UIMC1: variants seen among roughly 807,000 people sequenced by gnomAD.
The protein encoded by UIMC1 is ubiquitin interaction motif containing 1.
In UIMC1, 42 loss-of-function variants were observed where a neutral mutation model predicts 84.9. The observed-to-expected ratio is 0.49, with a 90% CI of 0.39 to 0.64. UIMC1 has a LOEUF of 0.64. Among genes scored for constraint, UIMC1 ranks in the 30% least tolerant of loss-of-function variants. The pLI, the probability that UIMC1 is intolerant of heterozygous loss-of-function variation, is 0.00. For synonymous variants in UIMC1, 281 were observed against 293.0 expected, an observed-to-expected ratio of 0.96 and a Z score of 0.42; for missense variants, 825 against 847.6, an observed-to-expected ratio of 0.97 and a Z score of 0.33.
chr5:176,908,183 G>A (rs758618506), intron 12 of UIMC1, among the ~76,000 whole-genome samples: 1 of 151,848 alleles, frequency 6.6e-6, no homozygotes, highest in Non-Finnish European at 1.5e-5. Context: ...GAAGGGGGGA[G>A]AGGGAGAATA....
At chr5:177,002,573 A>T (rs1774683597) in intron 1 of UIMC1, among the ~76,000 whole-genome samples, 1 of 152,190 alleles carries the variant, frequency 6.6e-6, no homozygotes, top group Non-Finnish European at 1.5e-5. Context: ...AGGCCGAGGC[A>T]GGTGGATCAC....
At chr5:176,983,502 T>A (rs892002313) in intron 1 of UIMC1, among the ~76,000 whole-genome samples, 1 of 152,294 alleles carries the variant, frequency 6.6e-6, no homozygotes, top group African/African-American at 2.4e-5. Flanking sequence ...CCCGAGGTGC[T>A]GGGATTGCAG....
rs1767324718 is a variant in UIMC1, at chr5:176,960,950, T to C, written c.1201-2796A>G. 8.6e-5 allele frequency among the ~76,000 whole-genome samples: 4 copies of C among 46,364 alleles called. 1 individual carries two copies. The South Asian group carries it at 2.9e-3, about 34-fold the overall frequency. 30.4% of individuals were successfully genotyped at this position (46,364 alleles called of 152,430 possible). A position where few individuals can be genotyped will look rare whatever the true frequency, so the allele number is the denominator to read the frequency against. ...ACTCAGTGCTCAATGGTGCCCAGGC[T>C]GGAGTGCAGTGGCGTGATCTCGGCT... is the stretch of plus-strand genomic sequence containing the variant. On this transcript the variant is annotated intron_variant, in intron 6 of 14. Coordinates refer to ENST00000511320, the MANE Select transcript of UIMC1 (RefSeq NM_001199298.2).
At chr5:176,951,613 C>T (rs918390913) in intron 8 of UIMC1, 36 bp from the exon 9 acceptor site, 6 of 1,476,120 alleles carry the variant, frequency 4.1e-6, no homozygotes, top group Non-Finnish European at 5.5e-6. Flanking sequence ...CATTAATTTT[C>T]ATTTTGTGTT....
intron 3 of UIMC1, among the ~76,000 whole-genome samples, chr5:176,974,732 G>C (rs373696216): frequency 6.6e-6 from 1 of 151,924 alleles, no homozygotes; most frequent in Admixed American, 6.6e-5. Context: ...GAATCGTTAT[G>C]AACCCGGGAG....
At position 176,979,382 on chromosome 5, in the gene UIMC1, G is replaced by T. The variant is rs1280999662; in HGVS notation, c.147+3087C>A. On this transcript the variant is annotated intron_variant, in intron 2 of 14. Transcript: ENST00000511320. ...GCCTGTAATCCCAACACTTTGGGGT[G>T]TATCACCTGAGGTCAGGAGTTTGAG... is the stretch of plus-strand genomic sequence containing the variant. 1.3e-5 allele frequency among the ~76,000 whole-genome samples: 2 copies of T among 152,286 alleles called. 1 individual carries two copies. The highest frequency in any genetic ancestry group is 4.1e-4 in the South Asian group (2 of 4,826).
At chr5:176,906,414 C>A (rs939034022) in intron 13 of UIMC1, among the ~76,000 whole-genome samples, 1 of 152,184 alleles carries the variant, frequency 6.6e-6, no homozygotes, top group East Asian at 1.9e-4. Context: ...TCAGAAGGCA[C>A]AACAGATTTG....
intron 1 of UIMC1, among the ~76,000 whole-genome samples, chr5:176,984,945 C>A (rs1193115026): frequency 6.6e-6 from 1 of 152,124 alleles, no homozygotes; most frequent in African/African-American, 2.4e-5. Context: ...CCCAGGGACA[C>A]AAACACTGCG....
At chr5:176,968,339 C>T (rs1282406494) in intron 6 of UIMC1, among the ~76,000 whole-genome samples, 1 of 151,568 alleles carries the variant, frequency 6.6e-6, no homozygotes, top group Non-Finnish European at 1.5e-5. Context: ...CGCCATTGCA[C>T]TCCAGCCTGG....
intron 10 of UIMC1, among the ~76,000 whole-genome samples, chr5:176,935,873 C>T (rs1420320399): frequency 1.3e-5 from 2 of 152,158 alleles, no homozygotes; most frequent in African/African-American, 4.8e-5. Flanking sequence ...TACCTACCCA[C>T]CCATCCACCA....
At chr5:177,014,191 T>A (rs1290545237) in intron 1 of UIMC1, among the ~76,000 whole-genome samples, 3 of 151,788 alleles carry the variant, frequency 2.0e-5, no homozygotes, top group Non-Finnish European at 4.4e-5. Context: ...TAGCTGGGAT[T>A]ACAGGCGTGC....
intron 11 of UIMC1, among the ~76,000 whole-genome samples, chr5:176,910,584 G>T (rs1422328617): frequency 6.6e-6 from 1 of 152,186 alleles, no homozygotes; most frequent in African/African-American, 2.4e-5. Flanking sequence ...CAACCAAAAA[G>T]TCTTCTATAT....
intron 10 of UIMC1, among the ~76,000 whole-genome samples, chr5:176,929,900 C>A (rs370404260): frequency 6.6e-6 from 1 of 152,236 alleles, no homozygotes; most frequent in East Asian, 1.9e-4. Context: ...GCAGTCAAAT[C>A]ACACTGGATA....
chr5:176,998,695 C>G (rs546804201), intron 1 of UIMC1, among the ~76,000 whole-genome samples: 2 of 151,338 alleles, frequency 1.3e-5, no homozygotes, highest in Non-Finnish European at 2.9e-5. Context: ...TGAACCCGGG[C>G]GGTGGAGGTT....
chr5:176,991,704 G>A (rs752447126), intron 1 of UIMC1, among the ~76,000 whole-genome samples: 14 of 151,042 alleles, frequency 9.3e-5, no homozygotes, highest in South Asian at 2.1e-4. Context: ...AGGCCGAGGC[G>A]GGCAGATCAC....
intron 12 of UIMC1, chr5:176,907,395 A>C (rs181547831): frequency 1.6e-4 from 73 of 464,496 alleles, no homozygotes; most frequent in African/African-American, 1.4e-3. Flanking sequence ...ATGGATTTAA[A>C]ATAGAAAATA....
chr5:177,004,632 G>A (rs1775009472), intron 1 of UIMC1, among the ~76,000 whole-genome samples: 1 of 152,172 alleles, frequency 6.6e-6, no homozygotes, highest in African/African-American at 2.4e-5. Flanking sequence ...TGCAGAAGCA[G>A]GACAGGTGCC....
chr5:177,018,180 G>A (rs1775711608), intron 1 of UIMC1, among the ~76,000 whole-genome samples: 1 of 151,822 alleles, frequency 6.6e-6, no homozygotes, highest in African/African-American at 2.4e-5. Flanking sequence ...GTAAAATCCT[G>A]TCTCTAATAA....
chr5:176,911,265 A>G, intron 11 of UIMC1, 46 bp downstream of exon 11: 1 of 1,486,860 alleles, frequency 6.7e-7, no homozygotes, highest in Non-Finnish European at 9.1e-7. Context: ...AGTCCAAACG[A>G]TGGTATGTTA....
Sources: allele counts gnomAD v4.1 joint callset (sites outside exome capture counted in the v4.1 genomes callset), GRCh38; gene constraint gnomAD v4.1.1; transcripts MANE v1.5; gene names NCBI Gene and HGNC (gene_info 2026-07-23, HGNC 2026-07-21).